SMIM39: variants seen among roughly 807,000 people sequenced by gnomAD.
SMIM39 encodes the protein small integral membrane protein 39.
SMIM39 carries 1 observed loss-of-function variant against 0.7 expected under a neutral mutation model. The ratio of observed to expected loss-of-function variants is 1.34; its 90% CI spans 0.48 to 6.38. The LOEUF (loss-of-function observed/expected upper bound fraction) is 6.38, where lower values mean the gene tolerates loss of function less well. Among genes scored for constraint, SMIM39 ranks in the 30% most tolerant of loss-of-function variants. SMIM39 has a pLI of 0.14. For missense variants in SMIM39, 68 were observed against 75.7 expected, an observed-to-expected ratio of 0.90 and a Z score of 0.38; for synonymous variants, 31 against 41.7, an observed-to-expected ratio of 0.74 and a Z score of 0.99.
In SMIM39 at chr2:131,035,105, C is replaced by A. The variant is rs531322387; in HGVS notation, c.14C>A (p.Pro5Gln). ...AGGCCGGGCGCCATGGCGAGGGCCC[C>A]GCAGCCCCGGCGCGGCCCCGCGGCG... is the stretch of plus-strand genomic sequence containing the variant. The change falls in exon 1 of 1, where the codon CCG (proline) becomes CAG (glutamine). Residue 5 changes from proline (P) to glutamine (Q), a missense_variant. By Grantham distance (76) the Pro-to-Gln change is moderately conservative. Transcript: ENST00000635976. 1,401 of 1,107,052 alleles carry A rather than the reference C, an allele frequency of 1.3e-3. 13 individuals carry two copies. The African/African-American group carries it at 0.021, about 16-fold the overall frequency. The allele number at this position is 1,107,052 out of a possible 1,614,324, so 68.6% of individuals were successfully genotyped here. A position where few individuals can be genotyped will look rare whatever the true frequency, so the allele number is the denominator to read the frequency against.
chr2:131,035,195 TC>T lies in SMIM39; in HGVS notation c.105del (p.Ser36ProfsTer14). On this transcript the variant is annotated frameshift_variant, in exon 1 of 1. Coordinates refer to ENST00000635976, the Ensembl canonical transcript of SMIM39. LOFTEE classifies it high-confidence loss of function. The stretch of plus-strand genomic sequence containing the variant: ...CCCCCCGGCGCCCAGCGCGTGGTGG[TC>T]TCCGCCGTGCTGGCGCTCCTGGTTC... The T allele has an allele frequency of 8.2e-7, 1 of 1,222,618 alleles. No individual in the cohort carries two copies. The highest frequency in any genetic ancestry group is 1.0e-6 in the Non-Finnish European group (1 of 982,150). 75.7% of individuals were successfully genotyped at this position (1,222,618 alleles called of 1,614,324 possible). A position where few individuals can be genotyped will look rare whatever the true frequency, so the allele number is the denominator to read the frequency against.
At chr2:131,035,174 C>G (rs1348210068) in exon 1 of SMIM39, 2 of 1,220,988 alleles carry the variant, frequency 1.6e-6, no homozygotes, top group Admixed American at 4.3e-5. Flanking sequence ...AACCTGCCCC[C>G]CGGCGCCCAG....
At chr2:131,035,233 G>C (rs1208643402) in exon 1 of SMIM39, 5 of 1,225,208 alleles carry the variant, frequency 4.1e-6, no homozygotes, top group African/African-American at 1.6e-5. Flanking sequence ...CATCAACGTC[G>C]TACTGATCTT....
At chr2:131,035,153 T>C in exon 1 of SMIM39, 11 of 1,211,838 alleles carry the variant, frequency 9.1e-6, no homozygotes, top group Non-Finnish European at 1.1e-5. Flanking sequence ...CTGCGCGCCC[T>C]GCTGCGCTGC....
exon 1 of SMIM39, chr2:131,035,173 C>G (rs1411353362): frequency 1.6e-6 from 2 of 1,220,768 alleles, no homozygotes; most frequent in Non-Finnish European, 2.0e-6. Context: ...CAACCTGCCC[C>G]CCGGCGCCCA....
rs1250148774 is a variant in SMIM39, at chr2:131,035,157, G to A, written c.66G>A (p.Leu22=). Residue 22 remains leucine, a synonymous_variant, in exon 1 of 1, where the codon CTG becomes CTA. Coordinates refer to ENST00000635976, the Ensembl canonical transcript of SMIM39. Reference sequence around the variant, plus strand: ...CCGGGAACGCCCTGCGCGCCCTGCTGCGCTGCAACCTGCCCCCCGGCGCCC... The same window carrying A: ...CCGGGAACGCCCTGCGCGCCCTGCTACGCTGCAACCTGCCCCCCGGCGCCC... 6.6e-6 allele frequency: 8 copies of A among 1,214,814 alleles called. No individual in the cohort carries two copies. The African/African-American group carries it at 7.9e-5, about 12-fold the overall frequency. The allele number at this position is 1,214,814 out of a possible 1,614,324, so 75.3% of individuals were successfully genotyped here.
exon 1 of SMIM39, chr2:131,035,141 C>A (rs1479700659): frequency 8.3e-7 from 1 of 1,200,144 alleles, no homozygotes; most frequent in African/African-American, 1.6e-5. Flanking sequence ...CCCGGGAACG[C>A]CCTGCGCGCC....
chr2:131,035,148 C>G, exon 1 of SMIM39: 2 of 1,207,562 alleles, frequency 1.7e-6, no homozygotes, highest in Non-Finnish European at 2.1e-6. Context: ...ACGCCCTGCG[C>G]GCCCTGCTGC....
exon 1 of SMIM39, chr2:131,035,191 G>GTGGTCTCCGCCGTGC: frequency 8.2e-7 from 1 of 1,222,990 alleles, no homozygotes; most frequent in Non-Finnish European, 1.0e-6. Context: ...CCAGCGCGTG[G>GTGGTCTCCGCCGTGC]TGGTCTCCGC....
At chr2:131,035,229 C>A in exon 1 of SMIM39, 1 of 1,224,974 alleles carries the variant, frequency 8.2e-7, no homozygotes, top group Non-Finnish European at 1.0e-6. Context: ...TTCTCATCAA[C>A]GTCGTACTGA....
chr2:131,035,117 G>A (rs1690151096), exon 1 of SMIM39: 51 of 1,145,868 alleles, frequency 4.5e-5, no homozygotes, highest in Non-Finnish European at 5.4e-5. Context: ...CAGCCCCGGC[G>A]CGGCCCCGCG....
chr2:131,035,210 C>T (rs1343866416), exon 1 of SMIM39: 5 of 1,224,548 alleles, frequency 4.1e-6, no homozygotes, highest in Non-Finnish European at 5.1e-6. Flanking sequence ...GCCGTGCTGG[C>T]GCTCCTGGTT....
At chr2:131,035,146 C>A in exon 1 of SMIM39, 1 of 1,205,202 alleles carries the variant, frequency 8.3e-7, no homozygotes, top group Non-Finnish European at 1.0e-6. Context: ...GAACGCCCTG[C>A]GCGCCCTGCT....
chr2:131,035,238 G>A (rs1690171466), exon 1 of SMIM39: 1 of 1,224,994 alleles, frequency 8.2e-7, no homozygotes, highest in Admixed American at 4.3e-5. Context: ...ACGTCGTACT[G>A]ATCTTCCTGC....
chr2:131,035,123 C>A, exon 1 of SMIM39: 1 of 1,164,104 alleles, frequency 8.6e-7, no homozygotes, highest in Admixed American at 4.7e-5. Context: ...CGGCGCGGCC[C>A]CGCGGCGCCC....
At chr2:131,035,106 G>C (rs1690149392) in exon 1 of SMIM39, 3 of 1,110,120 alleles carry the variant, frequency 2.7e-6, no homozygotes, top group African/African-American at 3.3e-5. Context: ...CGAGGGCCCC[G>C]CAGCCCCGGC....
Position 131,035,182 on chromosome 2 carries a change from C to T in SMIM39, c.91C>T (p.Gln31Ter). The change falls in exon 1 of 1, where the codon CAG (glutamine) becomes TAG (stop). Residue 31 changes from glutamine (Q) to a stop codon, truncating the protein, a stop_gained. Transcript: ENST00000635976. LOFTEE classifies it high-confidence loss of function. Reference sequence around the variant, plus strand: ...GCGCTGCAACCTGCCCCCCGGCGCCCAGCGCGTGGTGGTCTCCGCCGTGCT... The same window carrying T: ...GCGCTGCAACCTGCCCCCCGGCGCCTAGCGCGTGGTGGTCTCCGCCGTGCT... 8.2e-7 allele frequency: 1 copy of T among 1,222,388 alleles called. No individual in the cohort carries two copies. The highest frequency in any genetic ancestry group is 1.0e-6 in the Non-Finnish European group (1 of 982,030). The allele number at this position is 1,222,388 out of a possible 1,614,324, so 75.7% of individuals were successfully genotyped here.
exon 1 of SMIM39, chr2:131,035,103 C>T: frequency 9.1e-7 from 1 of 1,100,460 alleles, no homozygotes; most frequent in Non-Finnish European, 1.1e-6. Context: ...TGGCGAGGGC[C>T]CCGCAGCCCC....
exon 1 of SMIM39, chr2:131,035,197 T>G (rs1011576518): frequency 8.2e-7 from 1 of 1,223,362 alleles, no homozygotes; most frequent in Non-Finnish European, 1.0e-6. Flanking sequence ...CGTGGTGGTC[T>G]CCGCCGTGCT....
Sources: gnomAD v4.1 joint callset for allele counts on GRCh38, gnomAD v4.1.1 for gene constraint, MANE v1.5 for transcripts, NCBI Gene and HGNC (gene_info 2026-07-23, HGNC 2026-07-21) for gene names.